MYO3B: variants seen among roughly 807,000 people sequenced by gnomAD.
The protein encoded by MYO3B is myosin-IIIb.
MYO3B carries 156 observed loss-of-function variants against 174.6 expected under a neutral mutation model. The ratio of observed to expected loss-of-function variants is 0.89; its 90% CI spans 0.78 to 1.02. MYO3B has a LOEUF of 1.02. MYO3B is among the 50% of genes least tolerant of loss of function. MYO3B has a pLI of 0.00. For missense variants in MYO3B, 1,632 were observed against 1,639.4 expected, an observed-to-expected ratio of 1.00 and a Z score of 0.08; for synonymous variants, 563 against 569.1, an observed-to-expected ratio of 0.99 and a Z score of 0.15.
chr2:170,382,786 GT>G (rs5836272), intron 10 of MYO3B: 126,864 of 239,732 alleles, frequency 0.53, 34,683 homozygotes, highest in East Asian at 0.65. Flanking sequence ...GTTGAGATGA[GT>G]TTTTTTTTCA....
Position 170,402,896 on chromosome 2 carries a change from C to T in MYO3B, c.2178C>T (p.Phe726=), listed in dbSNP as rs1168381839. Residue 726 remains phenylalanine (F), a synonymous_variant, in exon 19 of 35, where the codon TTC becomes TTT. Coordinates refer to ENST00000408978, the MANE Select transcript of MYO3B (RefSeq NM_138995.5). ...MNVGILDIFG[F]ENFQRNSFEQ... The stretch of plus-strand genomic sequence containing the variant: ...TGGGGATCTTGGATATCTTTGGATT[C>T]GAGAATTTTCAGAGAAATTCATTTG... The T allele has an allele frequency of 1.2e-6, 2 of 1,611,750 alleles. No individual in the cohort carries two copies. The highest frequency in any genetic ancestry group is 1.7e-6 in the Non-Finnish European group (2 of 1,178,268).
In MYO3B at chr2:170,463,675, A is replaced by G. The variant is rs534772896; in HGVS notation, c.2808+230A>G. 1.1e-4 allele frequency among the ~76,000 whole-genome samples: 16 copies of G among 152,296 alleles called. No individual in the cohort carries two copies. The East Asian group carries it at 3.1e-3, about 29-fold the overall frequency. On this transcript the variant is annotated intron_variant, in intron 24 of 34. Transcript: ENST00000408978. ...TGAGCTGCTTCTTGGTCTTAAAGCT[A>G]CTAGAGGCAGCCACTTTTCTAGCAT... is the stretch of plus-strand genomic sequence containing the variant.
chr2:170,227,591 A>G (rs1410363020), intron 6 of MYO3B, among the ~76,000 whole-genome samples: 2 of 152,078 alleles, frequency 1.3e-5, no homozygotes, highest in Non-Finnish European at 2.9e-5. Flanking sequence ...GGCCTCCCAT[A>G]CCTTTTTTAA....
chr2:170,528,017 A>G (rs1689111018), intron 30 of MYO3B, among the ~76,000 whole-genome samples: 1 of 152,250 alleles, frequency 6.6e-6, no homozygotes, highest in South Asian at 2.1e-4. Context: ...GCTAAATTTA[A>G]TTACTTTGTT....
At chr2:170,519,358 G>A in intron 29 of MYO3B, 80 bp from the exon 30 acceptor site, 2 of 1,066,092 alleles carry the variant, frequency 1.9e-6, no homozygotes, top group South Asian at 1.4e-5. Context: ...GAGAAGGGCT[G>A]CAGAGAGTGT....
intron 23 of MYO3B, among the ~76,000 whole-genome samples, chr2:170,460,808 T>C (rs1684238053): frequency 6.6e-6 from 1 of 152,238 alleles, no homozygotes; most frequent in Non-Finnish European, 1.5e-5. Context: ...AGGGAACTGG[T>C]GCTGATCTTG....
At chr2:170,248,995 G>A (rs1304678966) in intron 7 of MYO3B, among the ~76,000 whole-genome samples, 2 of 152,188 alleles carry the variant, frequency 1.3e-5, no homozygotes, top group Non-Finnish European at 2.9e-5. Context: ...TGTGGCCTCT[G>A]ACTTGTTGTT....
intron 32 of MYO3B, among the ~76,000 whole-genome samples, chr2:170,622,056 T>A (rs1307379061): frequency 6.6e-6 from 1 of 152,170 alleles, no homozygotes; most frequent in Admixed American, 6.5e-5. Context: ...GCCAACTATT[T>A]CTACCTTTAA....
chr2:170,535,706 A>G (rs1689644443), intron 30 of MYO3B, among the ~76,000 whole-genome samples: 1 of 152,144 alleles, frequency 6.6e-6, no homozygotes, highest in African/African-American at 2.4e-5. Context: ...TAGCACTGTC[A>G]TGGGATGAAA....
chr2:170,461,706 A>G (rs13010710), intron 23 of MYO3B, among the ~76,000 whole-genome samples: 44,771 of 150,084 alleles, frequency 0.3, 8,059 homozygotes, highest in Non-Finnish European at 0.4. Flanking sequence ...AATCTGGCAG[A>G]TGGTGGTTGT....
intron 1 of MYO3B, among the ~76,000 whole-genome samples, chr2:170,191,966 A>T (rs1404310514): frequency 6.6e-6 from 1 of 152,162 alleles, no homozygotes; most frequent in Non-Finnish European, 1.5e-5. Context: ...GTATTTTTAT[A>T]CAGGTATTCC....
intron 25 of MYO3B, among the ~76,000 whole-genome samples, chr2:170,496,143 A>C (rs1015472602): frequency 2.6e-5 from 4 of 152,208 alleles, no homozygotes; most frequent in African/African-American, 9.6e-5. Flanking sequence ...CCTCCTCCCC[A>C]AAGGTGGAAA....
intron 7 of MYO3B, among the ~76,000 whole-genome samples, chr2:170,305,423 T>C (rs1428323493): frequency 6.6e-6 from 1 of 152,240 alleles, no homozygotes; most frequent in South Asian, 2.1e-4. Context: ...TCCACACTTA[T>C]TCCTCCAGAG....
chr2:170,468,565 A>G (rs996584039), intron 25 of MYO3B, among the ~76,000 whole-genome samples: 1 of 152,130 alleles, frequency 6.6e-6, no homozygotes, highest in African/African-American at 2.4e-5. Flanking sequence ...TTCTGGCAAA[A>G]TGACTTGGAA....
intron 32 of MYO3B, among the ~76,000 whole-genome samples, chr2:170,549,106 T>C (rs1280004856): frequency 2.6e-5 from 4 of 152,214 alleles, no homozygotes; most frequent in Admixed American, 6.5e-5. Flanking sequence ...TTAGGTACCA[T>C]GCCAGGCCCT....
intron 9 of MYO3B, among the ~76,000 whole-genome samples, chr2:170,376,476 T>G (rs11692409): frequency 0.58 from 88,767 of 152,104 alleles, 27,971 homozygotes; most frequent in East Asian, 0.7. Flanking sequence ...CTTTCTTGTA[T>G]GGAATCCATT....
At chr2:170,410,597 A>G (rs1321220915) in intron 22 of MYO3B, among the ~76,000 whole-genome samples, 3 of 151,608 alleles carry the variant, frequency 2.0e-5, no homozygotes, top group African/African-American at 4.8e-5. Context: ...AAAAAGAAAA[A>G]AAAAAAAAAA....
rs577438124 is a variant in MYO3B at position 170,509,211 on chromosome 2, G to T, written c.3371-5710G>T. Among the ~76,000 whole-genome samples the T allele has an allele frequency of 2.0e-5, 3 of 152,266 alleles. No homozygotes were observed. The East Asian group carries it at 5.8e-4, about 29-fold the overall frequency. On this transcript the variant is annotated intron_variant, in intron 28 of 34. Transcript: ENST00000408978. Reference sequence around the variant, plus strand: ...GTCTCTACTAAAAACACAAAAATTAGCTGGACATGGTGGCGCATGCCTGTA... The same window carrying T: ...GTCTCTACTAAAAACACAAAAATTATCTGGACATGGTGGCGCATGCCTGTA...
Position 170,523,166 on chromosome 2 carries a change from G to C in MYO3B, c.3575+3626G>C, listed in dbSNP as rs1313835191. ...TAGCAAGTTAGCTTCTCAACAGTGAGGACTGAGTCTTACTCTTTCTTGTAT... is the reference window on the plus strand; with the variant it reads ...TAGCAAGTTAGCTTCTCAACAGTGACGACTGAGTCTTACTCTTTCTTGTAT... On this transcript the variant is annotated intron_variant, in intron 30 of 34. Coordinates refer to ENST00000408978, the MANE Select transcript of MYO3B (RefSeq NM_138995.5). 7.2e-5 allele frequency among the ~76,000 whole-genome samples: 11 copies of C among 152,292 alleles called. No individual in the cohort carries two copies. In the South Asian group the frequency reaches 2.3e-3, roughly 32 times the overall value.
Sources: allele counts gnomAD v4.1 joint callset (sites outside exome capture counted in the v4.1 genomes callset), GRCh38; gene constraint gnomAD v4.1.1; transcripts MANE v1.5; gene names NCBI Gene and HGNC (gene_info 2026-07-23, HGNC 2026-07-21).